Variants in ARAP1 observed in about 807,000 individuals in gnomAD.
The protein encoded by ARAP1 is ArfGAP with RhoGAP domain, ankyrin repeat and PH domain 1, also known as arf-GAP with Rho-GAP domain, ANK repeat and PH domain-containing protein 1.
A neutral mutation model predicts 172.2 loss-of-function variants in ARAP1; 76 were observed. That is an observed-to-expected ratio of 0.44 (90% confidence interval 0.37 to 0.53). ARAP1 has a LOEUF of 0.53. Among genes scored for constraint, ARAP1 ranks in the 20% least tolerant of loss-of-function variants. ARAP1 has a pLI of 0.00. For synonymous variants in ARAP1, 804 were observed against 803.3 expected (o/e 1.00, Z -0.01); for missense variants, 1,686 against 1,977.5 (o/e 0.85, Z 2.80).
chr11:72,696,518 C>G, intron 23 of ARAP1, 31 bp downstream of exon 23: 1 of 1,470,718 alleles, frequency 6.8e-7, no homozygotes, highest in Non-Finnish European at 9.1e-7. Flanking sequence ...ATCCCATCCC[C>G]CCAGAATCTC....
In ARAP1 at chr11:72,693,433, C is replaced by G. The variant is rs1437756766; in HGVS notation, c.3846G>C (p.Lys1282Asn). 5 of 1,613,738 alleles carry G rather than the reference C, an allele frequency of 3.1e-6. No homozygotes were observed. Among genetic ancestry groups the G allele is most frequent in the Non-Finnish European group, 4.2e-6 (5 of 1,179,814 alleles). ...CCAGGAGGCTGCGGTCCTCACGGAA[C>G]TTCATCATGCCATGCTTGGTGTCAC... ...RVGDTKHGMM[K>N]FREDRSLLGL... The change falls in exon 29 of 35, where the codon AAG becomes AAC. Residue 1282 changes from lysine (K) to asparagine (N), a missense_variant. Lys to Asn is a moderately conservative substitution (Grantham distance 94). Coordinates refer to ENST00000393609, the MANE Select transcript of ARAP1 (RefSeq NM_001040118.3). This position sits in a 1 kb window ranked among gnomAD's most constrained non-coding sequence, Gnocchi z 4.6.
In ARAP1 at chr11:72,707,156, C is replaced by G. The variant is rs761471881; in HGVS notation, c.1723+19G>C. On this transcript the variant is annotated intron_variant, in intron 12 of 34. Transcript: ENST00000393609. ...CCCCGCCATGCCTCTGCCTGGTGCC[C>G]CGACCCCCATGCACACACCTGCACA... 20 of 1,542,360 alleles carry G rather than the reference C, an allele frequency of 1.3e-5. No homozygotes were observed. The highest frequency in any genetic ancestry group is 7.9e-6 in the Non-Finnish European group (9 of 1,138,552).
chr11:72,695,834 T>C lies in ARAP1; in HGVS notation c.3304A>G (p.Asn1102Asp), dbSNP rs757849933. The C allele has an allele frequency of 1.2e-4, 186 of 1,613,748 alleles. No individual in the cohort carries two copies. Among genetic ancestry groups the C allele is most frequent in the Non-Finnish European group, 1.5e-4 (180 of 1,179,878 alleles). Reference protein sequence around the residue: ...VQCFSDTNQMNVHNLAIVFGP... With the variant: ...VQCFSDTNQMDVHNLAIVFGP... ...AACACAATTGCCAGGTTGTGCACGT[T>C]CATCTGGTTCGTGTCTGAGAAGCAC... is the stretch of plus-strand genomic sequence containing the variant. The change falls in exon 24 of 35, where the codon AAC (asparagine) becomes GAC (aspartate). Residue 1102 changes from asparagine (N) to aspartate (D), a missense_variant. Transcript: ENST00000393609. The surrounding 1 kb of genome is among the most constrained non-coding windows in gnomAD (Gnocchi z 4.4).
chr11:72,723,648 G>T (rs1326049242), intron 3 of ARAP1, among the ~76,000 whole-genome samples: 1 of 152,202 alleles, frequency 6.6e-6, no homozygotes, highest in Admixed American at 6.5e-5. Flanking sequence ...GCTGTGCTGA[G>T]GGCACTCACT....
chr11:72,727,021 A>G lies in ARAP1; in HGVS notation c.108T>C (p.Thr36=). The G allele has an allele frequency of 6.2e-7, 1 of 1,609,648 alleles. No homozygotes were observed. ...GGGTGTCGCTGAGGCCTTGGCACTCAGTGGCCCACACCAGGCCATGCTGCT... is the reference window on the plus strand; with the variant it reads ...GGGTGTCGCTGAGGCCTTGGCACTCGGTGGCCCACACCAGGCCATGCTGCT... ...LFEQHGLVWA[T]ECQGLSDTRL... The change falls in exon 3 of 35, where the codon ACT becomes ACC. Residue 36 remains threonine (T), a synonymous_variant. Coordinates refer to ENST00000393609, the MANE Select transcript of ARAP1 (RefSeq NM_001040118.3).
rs752586340 is a variant in ARAP1, at chr11:72,727,058, G to A, written c.71C>T (p.Thr24Met). The A allele has an allele frequency of 6.2e-6, 10 of 1,607,956 alleles. No individual in the cohort carries two copies. The East Asian group carries it at 1.1e-4, about 18-fold the overall frequency. ...WLRALHLEQYTGLFEQHGLVW... is the reference protein window; with the variant it reads ...WLRALHLEQYMGLFEQHGLVW... Reference sequence around the variant, plus strand: ...CAGGCCATGCTGCTCAAAGAGCCCCGTGTACTGCTCCAGGTGCAATGCCCG... The same window carrying A: ...CAGGCCATGCTGCTCAAAGAGCCCCATGTACTGCTCCAGGTGCAATGCCCG... The change falls in exon 3 of 35, where the codon ACG (threonine) becomes ATG (methionine). Residue 24 changes from threonine to methionine, a missense_variant. Thr to Met is a moderately conservative substitution (Grantham distance 81). Transcript: ENST00000393609.
chr11:72,736,027 A>G (rs1376094932), intron 1 of ARAP1, among the ~76,000 whole-genome samples: 2 of 152,222 alleles, frequency 1.3e-5, no homozygotes, highest in Non-Finnish European at 2.9e-5. Flanking sequence ...AAAGAAGTTC[A>G]GAGCAGTGCC....
At chr11:72,729,497 G>A (rs2135575553) in intron 2 of ARAP1, among the ~76,000 whole-genome samples, 1 of 152,204 alleles carries the variant, frequency 6.6e-6, no homozygotes, top group East Asian at 1.9e-4. Context: ...GGAGGCTAAG[G>A]CAGAATTGCT....
intron 4 of ARAP1, among the ~76,000 whole-genome samples, chr11:72,713,846 CAAAAAAAAAAA>C (rs71469440): frequency 1.2e-5 from 1 of 81,492 alleles, no homozygotes; most frequent in Admixed American, 1.2e-4. Context: ...GACTCCATCT[CAAAAAAAAAAA>C]AAAAAAAGAA....
intron 2 of ARAP1, among the ~76,000 whole-genome samples, chr11:72,729,813 G>A (rs750002861): frequency 6.6e-6 from 1 of 151,388 alleles, no homozygotes; most frequent in Non-Finnish European, 1.5e-5. Context: ...TACTTGTGAG[G>A]ATGAGGTGGG....
At chr11:72,707,022 A>T (rs1264058629) in intron 12 of ARAP1, among the ~76,000 whole-genome samples, 153 bp downstream of exon 12, 3 of 152,198 alleles carry the variant, frequency 2.0e-5, no homozygotes, top group African/African-American at 4.8e-5. Flanking sequence ...TAAGGACTCA[A>T]AGCTAATCAC....
intron 30 of ARAP1, among the ~76,000 whole-genome samples, chr11:72,691,419 T>G (rs1311152088): frequency 6.6e-6 from 1 of 151,852 alleles, no homozygotes; most frequent in South Asian, 2.1e-4. Flanking sequence ...TTCTAAACAC[T>G]CCTAGAGGGA....
At chr11:72,691,452 C>A (rs1565209193) in intron 30 of ARAP1, among the ~76,000 whole-genome samples, 2 of 152,134 alleles carry the variant, frequency 1.3e-5, no homozygotes, top group Non-Finnish European at 2.9e-5. Context: ...AATAGCATCC[C>A]AGAACCAAGG....
At chr11:72,728,680 A>T (rs1857770607) in intron 2 of ARAP1, among the ~76,000 whole-genome samples, 1 of 152,186 alleles carries the variant, frequency 6.6e-6, no homozygotes, top group Admixed American at 6.5e-5. Flanking sequence ...AGGATGAAAG[A>T]CCCCATTTAC....
intron 30 of ARAP1, among the ~76,000 whole-genome samples, chr11:72,691,980 C>T (rs928579842): frequency 2.6e-5 from 4 of 152,178 alleles, no homozygotes; most frequent in South Asian, 2.1e-4. Context: ...GAGAATCTAA[C>T]GCCGCTGCTG....
At position 72,699,742 on chromosome 11, in the gene ARAP1, G is replaced by A. The variant is rs193242076; in HGVS notation, c.2303-190C>T. On this transcript the variant is annotated intron_variant, in intron 16 of 34. Coordinates refer to ENST00000393609, the MANE Select transcript of ARAP1 (RefSeq NM_001040118.3). The surrounding 1 kb of genome is among the most constrained non-coding windows in gnomAD (Gnocchi z 4.2). Reference sequence around the variant, plus strand: ...GCCCACAAGTCATCCGCTCCCCCAGGCCTCTGCAGCAGCCCCTTCCAAAAT... The same window carrying A: ...GCCCACAAGTCATCCGCTCCCCCAGACCTCTGCAGCAGCCCCTTCCAAAAT... Among the ~76,000 whole-genome samples the A allele has an allele frequency of 6.9e-4, 105 of 152,222 alleles. No homozygotes were observed. The highest frequency in any genetic ancestry group is 2.3e-3 in the African/African-American group (97 of 41,532).
At chr11:72,751,406 G>A (rs1047213152) in intron 1 of ARAP1, among the ~76,000 whole-genome samples, 9 of 152,072 alleles carry the variant, frequency 5.9e-5, no homozygotes, top group African/African-American at 1.9e-4. Flanking sequence ...CTCCCCTGGG[G>A]CCTGCACCTG....
At chr11:72,702,815 A>T in intron 15 of ARAP1, 90 bp downstream of exon 15, 1 of 1,457,390 alleles carries the variant, frequency 6.9e-7, no homozygotes, top group Non-Finnish European at 9.2e-7. Flanking sequence ...GCCCTTGAGG[A>T]GCTGCGATCA....
chr11:72,695,738 G>C lies in ARAP1; in HGVS notation c.3400C>G (p.His1134Asp). 3.7e-6 allele frequency: 6 copies of C among 1,614,194 alleles called. No individual in the cohort carries two copies. In the Middle Eastern group the frequency reaches 4.9e-4, roughly 133 times the overall value. ...AGRVVEDLIN[H>D]YVVVFSVDEE... ...CGCACACTAAACACCACCACATAGT[G>C]GTTAATGAGGTCTTCCACCACACGG... Residue 1134 changes from histidine (H) to aspartate (D), a missense_variant, in exon 24 of 35, where the codon CAC becomes GAC. This residue lies in a region of ARAP1 where 379 missense variants were observed against 500.1 expected (regional missense o/e 0.76). Transcript: ENST00000393609. The surrounding 1 kb of genome is among the most constrained non-coding windows in gnomAD (Gnocchi z 4.4).
Sources: gnomAD v4.1 joint callset for allele counts (sites outside exome capture counted in the v4.1 genomes callset) on GRCh38, gnomAD v4.1.1 for gene constraint, gnomAD v4.1.1 regional missense constraint, Gnocchi (gnomAD v3.1) non-coding constraint, MANE v1.5 for transcripts, NCBI Gene and HGNC (gene_info 2026-07-23, HGNC 2026-07-21) for gene names.